Variants in PTPRD observed in about 807,000 individuals in gnomAD.
PTPRD encodes protein tyrosine phosphatase receptor type D, also known as receptor-type tyrosine-protein phosphatase delta.
PTPRD carries 34 observed loss-of-function variants against 214.5 expected under a neutral mutation model. That is an observed-to-expected ratio of 0.16 (90% CI 0.12 to 0.21). The LOEUF is 0.21. Ranked by LOEUF, PTPRD falls within the 10% of genes least tolerant of loss-of-function variation. PTPRD has a pLI of 1.00. For synonymous variants in PTPRD, 1,128 were observed against 845.7 expected (o/e 1.33, Z -5.79); for missense variants, 2,545 against 2,398.7 (o/e 1.06, Z -1.27).
At chr9:9,200,713 T>G in intron 9 of PTPRD, among the ~76,000 whole-genome samples, 1 of 152,222 alleles carries the variant, frequency 6.6e-6, no homozygotes, top group East Asian at 1.9e-4. Flanking sequence ...AGTGGATTCC[T>G]TAAGAGGTAT....
At chr9:9,262,907 T>A (rs2099980754) in intron 9 of PTPRD, among the ~76,000 whole-genome samples, 1 of 151,696 alleles carries the variant, frequency 6.6e-6, no homozygotes, top group Non-Finnish European at 1.5e-5. Flanking sequence ...ATTATTCATC[T>A]TACTTAGAGT....
At chr9:9,089,027 T>C (rs537919514) in intron 10 of PTPRD, among the ~76,000 whole-genome samples, 2 of 152,268 alleles carry the variant, frequency 1.3e-5, no homozygotes, top group South Asian at 4.1e-4. Context: ...TCAACATTAC[T>C]CCTATTTTTA....
At chr9:10,088,728 T>G (rs2098390445) in intron 3 of PTPRD, among the ~76,000 whole-genome samples, 1 of 151,788 alleles carries the variant, frequency 6.6e-6, no homozygotes, top group Non-Finnish European at 1.5e-5. Flanking sequence ...ACATGTTTCC[T>G]ATCTACATCT....
At chr9:9,655,018 T>A (rs549437382) in intron 7 of PTPRD, among the ~76,000 whole-genome samples, 30 of 152,116 alleles carry the variant, frequency 2.0e-4, no homozygotes, top group Middle Eastern at 6.9e-3. Context: ...TATAGATATA[T>A]AGATATAGAT....
chr9:10,564,069 G>A (rs1006640691), intron 2 of PTPRD, among the ~76,000 whole-genome samples: 2 of 150,366 alleles, frequency 1.3e-5, no homozygotes, highest in African/African-American at 2.5e-5. Context: ...GCACTGGTGC[G>A]ATCATGGCTT....
intron 5 of PTPRD, among the ~76,000 whole-genome samples, chr9:9,914,106 C>A (rs1413104075): frequency 6.6e-6 from 1 of 152,132 alleles, no homozygotes; most frequent in South Asian, 2.1e-4. Flanking sequence ...TTGGGCAAAC[C>A]CACCCTTGAA....
intron 2 of PTPRD, among the ~76,000 whole-genome samples, chr9:10,532,567 A>G (rs1290060233): frequency 6.8e-6 from 1 of 147,926 alleles, no homozygotes; most frequent in Non-Finnish European, 1.5e-5. Flanking sequence ...AGTCCTATAT[A>G]TATACACTAT....
chr9:9,933,779 T>C (rs2087878545), intron 5 of PTPRD, among the ~76,000 whole-genome samples: 1 of 149,250 alleles, frequency 6.7e-6, no homozygotes, highest in Non-Finnish European at 1.5e-5. Flanking sequence ...ATATACATTT[T>C]TTTCAGCACC....
intron 43 of PTPRD, among the ~76,000 whole-genome samples, chr9:8,337,211 A>G (rs1000481670): frequency 3.3e-5 from 5 of 152,208 alleles, no homozygotes; most frequent in East Asian, 1.9e-4. Context: ...ATGTCCATCA[A>G]TGATAGATTG....
chr9:9,155,556 G>C (rs1225873270), intron 10 of PTPRD, among the ~76,000 whole-genome samples: 1 of 152,138 alleles, frequency 6.6e-6, no homozygotes, highest in Non-Finnish European at 1.5e-5. Flanking sequence ...TTGCTTATTA[G>C]TGCAAGACCT....
intron 4 of PTPRD, among the ~76,000 whole-genome samples, chr9:10,025,886 T>C (rs1477282093): frequency 1.3e-5 from 2 of 152,068 alleles, no homozygotes; most frequent in Non-Finnish European, 2.9e-5. Flanking sequence ...ACCTCACCAC[T>C]TGAGAAATAT....
chr9:9,114,933 T>C (rs1281417936), intron 10 of PTPRD, among the ~76,000 whole-genome samples: 1 of 152,110 alleles, frequency 6.6e-6, no homozygotes, highest in Non-Finnish European at 1.5e-5. Context: ...AGCTCAAGAA[T>C]CAGTGTTGTT....
At chr9:9,769,435 C>T (rs2098734095) in intron 5 of PTPRD, among the ~76,000 whole-genome samples, 1 of 144,574 alleles carries the variant, frequency 6.9e-6, no homozygotes, top group African/African-American at 2.5e-5. Flanking sequence ...ACACCATTCT[C>T]CTGCCTCAGC....
At chr9:10,052,565 A>G (rs1432764836) in intron 3 of PTPRD, among the ~76,000 whole-genome samples, 1 of 152,148 alleles carries the variant, frequency 6.6e-6, no homozygotes, top group Non-Finnish European at 1.5e-5. Context: ...TATTTTTCAC[A>G]CATTCTCTGA....
chr9:8,792,622 C>T (rs550597772), intron 11 of PTPRD, among the ~76,000 whole-genome samples: 1 of 152,160 alleles, frequency 6.6e-6, no homozygotes, highest in East Asian at 1.9e-4. Context: ...TTGTCATAGC[C>T]TTTCCGTTGT....
At chr9:8,750,465 T>G (rs1260612497) in intron 11 of PTPRD, among the ~76,000 whole-genome samples, 1 of 151,678 alleles carries the variant, frequency 6.6e-6, no homozygotes. Flanking sequence ...GCCAAGTAAG[T>G]TTTTTTTAAG....
intron 9 of PTPRD, among the ~76,000 whole-genome samples, chr9:9,356,870 GAGATA>G (rs1193088856): frequency 6.6e-6 from 1 of 151,340 alleles, no homozygotes; most frequent in African/African-American, 2.4e-5. Context: ...CTTTGTATAA[GAGATA>G]AGATATAAAG....
intron 12 of PTPRD, among the ~76,000 whole-genome samples, chr9:8,664,629 T>G (rs376375055): frequency 6.6e-6 from 1 of 152,246 alleles, no homozygotes; most frequent in South Asian, 2.1e-4. Flanking sequence ...TACTTCCAGA[T>G]AGCTCTGGTG....
intron 36 of PTPRD, among the ~76,000 whole-genome samples, chr9:8,404,035 T>TG: frequency 6.6e-6 from 1 of 152,198 alleles, no homozygotes; most frequent in Non-Finnish European, 1.5e-5. Context: ...TGCACTTCTG[T>TG]CATATGGTGT....
Sources: gnomAD v4.1 joint callset for allele counts (sites outside exome capture counted in the v4.1 genomes callset) on GRCh38, gnomAD v4.1.1 for gene constraint, MANE v1.5 for transcripts, NCBI Gene and HGNC (gene_info 2026-07-23, HGNC 2026-07-21) for gene names.